Variants in ABCB10 observed in about 807,000 individuals in gnomAD.
The protein encoded by ABCB10 is ATP binding cassette subfamily B member 10.
ABCB10 carries 54 observed loss-of-function variants against 65.4 expected under a neutral mutation model. The observed-to-expected ratio is 0.83, with a 90% confidence interval of 0.66 to 1.04. ABCB10 has a LOEUF of 1.04. Ranked by LOEUF, ABCB10 falls within the 50% of genes least tolerant of loss-of-function variation. ABCB10 has a pLI of 0.00. For missense variants in ABCB10, 846 were observed against 976.6 expected (o/e 0.87, Z 1.78); for synonymous variants, 418 against 406.5 (o/e 1.03, Z -0.34).
intron 6 of ABCB10, among the ~76,000 whole-genome samples, chr1:229,538,486 C>A (rs1662771049): frequency 1.3e-5 from 2 of 152,158 alleles, no homozygotes; most frequent in Non-Finnish European, 2.9e-5. Flanking sequence ...CAGGCTCAAT[C>A]CAGGAAACGG....
intron 8 of ABCB10, among the ~76,000 whole-genome samples, chr1:229,529,667 CA>C (rs969766089): frequency 9.5e-3 from 221 of 23,214 alleles, no homozygotes; most frequent in East Asian, 0.061. Context: ...AAGACTGTCT[CA>C]AAAAAAAAAA....
intron 8 of ABCB10, among the ~76,000 whole-genome samples, chr1:229,528,811 G>A (rs1031312883): frequency 6.6e-6 from 1 of 151,852 alleles, no homozygotes; most frequent in African/African-American, 2.4e-5. Flanking sequence ...TACAGGTGTG[G>A]GGCTCCACAT....
intron 2 of ABCB10, among the ~76,000 whole-genome samples, chr1:229,548,429 CCA>C (rs1207179871): frequency 3.3e-5 from 5 of 152,188 alleles, no homozygotes; most frequent in African/African-American, 9.6e-5. Flanking sequence ...GGTTAATTAT[CCA>C]CAGAGATAAA....
chr1:229,549,623 C>G (rs1229351983), intron 1 of ABCB10, among the ~76,000 whole-genome samples, 189 bp from the exon 2 acceptor site: 1 of 152,164 alleles, frequency 6.6e-6, no homozygotes, highest in African/African-American at 2.4e-5. Flanking sequence ...CAGGTGAGAA[C>G]AAGCAGGTTG....
Position 229,558,205 on chromosome 1 carries a change from CG to C in ABCB10, c.447del (p.Ala150GlnfsTer62). On this transcript the variant is annotated frameshift_variant, in exon 1 of 13. Coordinates refer to ENST00000344517, the MANE Select transcript of ABCB10 (RefSeq NM_012089.3). LOFTEE classifies it high-confidence loss of function. ...APPGDKGRLR[P>X]AAAGLPEARK... ...CGGGCCTCCGGGAGTCCGGCCGCTG[CG>C]GGGCGCAGCCGCCCCTTGTCCCCGG... is the stretch of plus-strand genomic sequence containing the variant. The C allele has an allele frequency of 7.1e-7, 1 of 1,417,746 alleles. No individual in the cohort carries two copies. The highest frequency in any genetic ancestry group is 9.2e-7 in the Non-Finnish European group (1 of 1,087,922). 87.8% of individuals were successfully genotyped at this position (1,417,746 alleles called of 1,614,324 possible). A position where few individuals can be genotyped will look rare whatever the true frequency, so the allele number is the denominator to read the frequency against.
intron 1 of ABCB10, 118 bp downstream of exon 1, chr1:229,558,018 A>G (rs899609221): frequency 6.3e-6 from 7 of 1,115,228 alleles, no homozygotes; most frequent in Admixed American, 8.8e-5. Context: ...GGAGTGGCCC[A>G]GGAGAGGCGG....
At chr1:229,518,775 G>A in intron 12 of ABCB10, 66 bp downstream of exon 12, 4 of 1,312,416 alleles carry the variant, frequency 3.0e-6, no homozygotes, top group Non-Finnish European at 4.3e-6. Flanking sequence ...AGAATTAAAA[G>A]TGTTTTGGTG....
At chr1:229,553,363 G>A (rs1361841221) in intron 1 of ABCB10, among the ~76,000 whole-genome samples, 2 of 152,096 alleles carry the variant, frequency 1.3e-5, no homozygotes, top group Non-Finnish European at 2.9e-5. Context: ...GCCCGCCTCA[G>A]CCTCCCAAAG....
intron 6 of ABCB10, among the ~76,000 whole-genome samples, chr1:229,532,204 A>G (rs1269043744): frequency 6.6e-6 from 1 of 152,106 alleles, no homozygotes; most frequent in African/African-American, 2.4e-5. Context: ...CACCCGCCTC[A>G]GCCTCCCAAA....
At chr1:229,526,544 A>C (rs1286651515) in intron 9 of ABCB10, among the ~76,000 whole-genome samples, 1 of 151,860 alleles carries the variant, frequency 6.6e-6, no homozygotes, top group Non-Finnish European at 1.5e-5. Flanking sequence ...ATCCCTAATC[A>C]TATACACCAC....
chr1:229,540,491 A>T, intron 5 of ABCB10, 115 bp downstream of exon 5: 1 of 1,081,976 alleles, frequency 9.2e-7, no homozygotes, highest in Admixed American at 3.1e-5. Flanking sequence ...CCTTGAAATT[A>T]AGACTAAAAT....
At position 229,518,172 on chromosome 1, in the gene ABCB10, T is replaced by C. The variant is rs1662220392; in HGVS notation, c.*7A>G. ...AAGTCTCATATTGTTTACCAGTAAT[T>C]GCTTCCTTATGCTGAAATAAAACTT... is the stretch of plus-strand genomic sequence containing the variant. On this transcript the variant is annotated 3_prime_UTR_variant, in exon 13 of 13. Transcript: ENST00000344517. The C allele has an allele frequency of 1.2e-6, 2 of 1,605,444 alleles. No individual in the cohort carries two copies. The highest frequency in any genetic ancestry group is 2.7e-5 in the African/African-American group (2 of 74,796).
rs550929290 is a variant in ABCB10 at position 229,547,718 on chromosome 1, G to A, written c.719-17C>T. The A allele has an allele frequency of 2.5e-5, 40 of 1,613,344 alleles. No individual in the cohort carries two copies. Among genetic ancestry groups the A allele is most frequent in the Middle Eastern group, 1.7e-4 (1 of 6,060 alleles). On this transcript the variant is annotated splice_polypyrimidine_tract_variant and intron_variant, in intron 2 of 12. Coordinates refer to ENST00000344517, the MANE Select transcript of ABCB10 (RefSeq NM_012089.3). ...TGCGCTGACCTGCAAAAGCAAACACGAACAGGCTCACCAAGGGTAAAGACA... is the reference window on the plus strand; with the variant it reads ...TGCGCTGACCTGCAAAAGCAAACACAAACAGGCTCACCAAGGGTAAAGACA...
rs1450419835 is a variant in ABCB10, at chr1:229,517,095, T to C, written c.*1084A>G. 6.6e-6 allele frequency: 1 copy of C among 152,118 alleles called. No homozygotes were observed. The highest frequency in any genetic ancestry group is 6.6e-5 in the Admixed American group (1 of 15,264). 9.4% of individuals were successfully genotyped at this position (152,118 alleles called of 1,614,324 possible). ...ATACAAAATATGGCAAATTCAATGGTTGTAGCATTGCTTTAGGAATTTTGA... is the reference window on the plus strand; with the variant it reads ...ATACAAAATATGGCAAATTCAATGGCTGTAGCATTGCTTTAGGAATTTTGA... On this transcript the variant is annotated 3_prime_UTR_variant, in exon 13 of 13. Coordinates refer to ENST00000344517, the MANE Select transcript of ABCB10 (RefSeq NM_012089.3).
chr1:229,556,030 T>C (rs766223863), intron 1 of ABCB10, among the ~76,000 whole-genome samples: 8 of 151,090 alleles, frequency 5.3e-5, no homozygotes, highest in Non-Finnish European at 1.0e-4. Context: ...TTCTTCAAAT[T>C]ATATATTCAT....
rs953965538 is a variant in ABCB10, at chr1:229,522,107, C to A, written c.1907-472G>T. On this transcript the variant is annotated intron_variant, in intron 10 of 12. Transcript: ENST00000344517. ...CTCCTGGGCTCAAGCAATCCGCCCA[C>A]CTCAGCCTCCCAAAGTGCTGGGATT... Among the ~76,000 whole-genome samples the A allele has an allele frequency of 4.6e-5, 7 of 152,340 alleles. No homozygotes were observed. The East Asian group carries it at 1.3e-3, about 29-fold the overall frequency.
rs1662555352 is a variant in ABCB10 at position 229,530,392 on chromosome 1, A to G, written c.1452T>C (p.Asn484=). 1.2e-6 allele frequency: 2 copies of G among 1,608,156 alleles called. No homozygotes were observed. The highest frequency in any genetic ancestry group is 1.7e-6 in the Non-Finnish European group (2 of 1,174,830). Residue 484 remains asparagine, a synonymous_variant, in exon 8 of 13, where the codon AAT becomes AAC. Transcript: ENST00000344517. Reference sequence around the variant, plus strand: ...CCAAAGCACCCTGGAAGCTTTTCTCATTTAAGATGACCCCCTCTGAAACAT... The same window carrying G: ...CCAAAGCACCCTGGAAGCTTTTCTCGTTTAAGATGACCCCCTCTGAAACAT... The part of the protein sequence containing the change: ...KLPFNEGVIL[N]EKSFQGALEF...
intron 8 of ABCB10, 78 bp from the exon 9 acceptor site, chr1:229,527,386 A>G: frequency 7.9e-7 from 1 of 1,272,706 alleles, no homozygotes; most frequent in Non-Finnish European, 1.1e-6. Context: ...ATCCGGTGGG[A>G]AAATTCCAGA....
At chr1:229,527,127 A>G in intron 9 of ABCB10, 102 bp downstream of exon 9, 1 of 1,137,752 alleles carries the variant, frequency 8.8e-7, no homozygotes, top group Non-Finnish European at 1.3e-6. Context: ...AAAGACTTCC[A>G]TTCCTTCTCT....
Sources: gnomAD v4.1 joint callset for allele counts (sites outside exome capture counted in the v4.1 genomes callset) on GRCh38, gnomAD v4.1.1 for gene constraint, MANE v1.5 for transcripts, NCBI Gene and HGNC (gene_info 2026-07-23, HGNC 2026-07-21) for gene names.